The following TSR3 variants were observed in gnomAD, a reference collection of about 807,000 sequenced individuals.
The protein encoded by TSR3 is TSR3 ribosome maturation factor, also known as 18S rRNA aminocarboxypropyltransferase.
Under a neutral mutation model 28.1 loss-of-function variants are expected in TSR3, and 31 were observed. That is an observed-to-expected ratio of 1.10 (90% CI 0.83 to 1.49). The LOEUF (loss-of-function observed/expected upper bound fraction) is 1.49. TSR3 is among the 40% of genes most tolerant of loss of function. The probability of loss-of-function intolerance (pLI) is 0.00; values close to 1 mark genes in which losing one functional copy is unlikely to be tolerated. For synonymous variants in TSR3, 219 were observed against 197.2 expected, an observed-to-expected ratio of 1.11 and a Z score of -0.93; for missense variants, 511 against 444.0, an observed-to-expected ratio of 1.15 and a Z score of -1.36.
rs1214598646 is a variant in TSR3 at position 1,351,617 on chromosome 16, G to A, written c.113-19C>T. The A allele has an allele frequency of 4.2e-5, 62 of 1,461,810 alleles. No individual in the cohort carries two copies. In the East Asian group the frequency reaches 1.5e-3, roughly 36 times the overall value. 90.6% of individuals were successfully genotyped at this position (1,461,810 alleles called of 1,614,324 possible). ...ACGGAAGCTGCACGAGAGAGAGAAG[G>A]GCACTCGGCCTCAGCGTGGGACCCC... On this transcript the variant is annotated intron_variant, in intron 1 of 5. Coordinates refer to ENST00000007390, the MANE Select transcript of TSR3 (RefSeq NM_001001410.3).
intron 2 of TSR3, among the ~76,000 whole-genome samples, 177 bp downstream of exon 2, chr16:1,351,202 A>AC (rs907906271): frequency 2.6e-4 from 40 of 152,162 alleles, no homozygotes; most frequent in Admixed American, 5.9e-4. Flanking sequence ...AACGTTTATT[A>AC]CCCCAAAACC....
Position 1,351,731 on chromosome 16 carries a change from A to G in TSR3, c.74T>C (p.Leu25Pro), listed in dbSNP as rs536513000. The change falls in exon 1 of 6, where the codon CTG (leucine) becomes CCG (proline). Residue 25 changes from leucine to proline, a missense_variant. Coordinates refer to ENST00000007390, the MANE Select transcript of TSR3 (RefSeq NM_001001410.3). ...GCCGACCTCCTCGGCGAAGGCCTCC[A>G]GGGAGCGCGTCGGGAGGTGCCGAGG... is the stretch of plus-strand genomic sequence containing the variant. ...GRPRHLPTRSLEAFAEEVGAA... is the reference protein window; with the variant it reads ...GRPRHLPTRSPEAFAEEVGAA... 6.6e-6 allele frequency: 9 copies of G among 1,371,540 alleles called. No individual in the cohort carries two copies. The highest frequency in any genetic ancestry group is 1.7e-5 in the South Asian group (1 of 60,020). The allele number at this position is 1,371,540 out of a possible 1,614,324, so 85.0% of individuals were successfully genotyped here.
chr16:1,349,539 GGC>G lies in TSR3; in HGVS notation c.835_836del (p.Ala279GlnfsTer6), dbSNP rs780719518. 2.5e-6 allele frequency: 4 copies of G among 1,613,262 alleles called. No homozygotes were observed. The highest frequency in any genetic ancestry group is 3.4e-6 in the Non-Finnish European group (4 of 1,179,996). On this transcript the variant is annotated frameshift_variant, in exon 6 of 6. Transcript: ENST00000007390. LOFTEE classifies it low-confidence loss of function (END_TRUNC). ...GCTCCTCTTCACAGCAGCTGCTGCT[GGC>G]TCCTCCGCGCTCGGCGCCAGGCCCT... ...DPGPGAERGGASSSCCEEEQT... is the reference protein window; with the variant it reads ...DPGPGAERGGXSSSCCEEEQT...
chr16:1,349,745 G>T, intron 5 of TSR3, 137 bp from the exon 6 acceptor site: 1 of 1,367,686 alleles, frequency 7.3e-7, no homozygotes. Flanking sequence ...CCTCTCCAGT[G>T]GGACATGCAC....
intron 3 of TSR3, 127 bp downstream of exon 3, chr16:1,350,680 G>A (rs2034646880): frequency 8.7e-7 from 1 of 1,145,124 alleles, no homozygotes; most frequent in Non-Finnish European, 1.3e-6. Context: ...ACCGTGGTCT[G>A]TCTGAACTGT....
In TSR3 at chr16:1,350,127, C is replaced by G. The variant is rs748555427; in HGVS notation, c.634G>C (p.Glu212Gln). The change falls in exon 4 of 6, where the codon GAG becomes CAG. Residue 212 changes from glutamate (E) to glutamine (Q), a missense_variant. Coordinates refer to ENST00000007390, the MANE Select transcript of TSR3 (RefSeq NM_001001410.3). ...TCCTGCTCCGCCTGCAGCACCTCCT[C>G]CGGGCTGCCGCAGGCCGCGTACTTG... ...LDKYAACGSP[E>Q]EVLQAEQEFL... is the part of the protein sequence containing the mutation. 5.6e-6 allele frequency: 9 copies of G among 1,612,232 alleles called. No individual in the cohort carries two copies. The highest frequency in any genetic ancestry group is 1.1e-5 in the South Asian group (1 of 91,058).
intron 5 of TSR3, 116 bp downstream of exon 5, chr16:1,349,773 G>A: frequency 7.0e-7 from 1 of 1,430,530 alleles, no homozygotes; most frequent in Non-Finnish European, 9.7e-7. Context: ...TTTCTAGTCA[G>A]AAGACCATCG....
rs1295543911 is a variant in TSR3 at position 1,351,834 on chromosome 16, C to T, written c.-30G>A. On this transcript the variant is annotated 5_prime_UTR_variant, in exon 1 of 6. Transcript: ENST00000007390. ...CGGACCTGGGGTGCCGGGGACTCCC[C>T]ACCCCACGGCCGCGCCCCTCGGCCT... 6 of 1,283,886 alleles carry T rather than the reference C, an allele frequency of 4.7e-6. No homozygotes were observed. The highest frequency in any genetic ancestry group is 5.9e-6 in the Non-Finnish European group (6 of 1,020,014). 79.5% of individuals were successfully genotyped at this position (1,283,886 alleles called of 1,614,324 possible).
At chr16:1,349,786 G>GTGTT in intron 5 of TSR3, 103 bp downstream of exon 5, 9 of 1,465,364 alleles carry the variant, frequency 6.1e-6, no homozygotes, top group Non-Finnish European at 8.5e-6. Context: ...GACCATCGGG[G>GTGTT]TGTTGTTTAC....
At chr16:1,350,739 A>C in intron 3 of TSR3, 68 bp downstream of exon 3, 2 of 1,537,652 alleles carry the variant, frequency 1.3e-6, no homozygotes, top group Non-Finnish European at 1.8e-6. Context: ...GGCAGGAAAC[A>C]TGATGCTGGG....
chr16:1,349,269 C>G lies in TSR3; in HGVS notation c.*168G>C. Reference sequence around the variant, plus strand: ...TGGCCTGCAGCTTCATTTGCGAGAGCGCCGAGGCAGGACACAGAGCACAGC... The same window carrying G: ...TGGCCTGCAGCTTCATTTGCGAGAGGGCCGAGGCAGGACACAGAGCACAGC... On this transcript the variant is annotated 3_prime_UTR_variant, in exon 6 of 6. Coordinates refer to ENST00000007390, the MANE Select transcript of TSR3 (RefSeq NM_001001410.3). The G allele has an allele frequency of 1.3e-6, 1 of 754,654 alleles. No individual in the cohort carries two copies. The highest frequency in any genetic ancestry group is 2.3e-5 in the Admixed American group (1 of 43,354). 46.7% of individuals were successfully genotyped at this position (754,654 alleles called of 1,614,324 possible).
chr16:1,351,771 C>T lies in TSR3; in HGVS notation c.34G>A (p.Ala12Thr), dbSNP rs1249576614. Residue 12 changes from alanine (A) to threonine (T), a missense_variant, in exon 1 of 6, where the codon GCG (alanine) becomes ACG (threonine). Coordinates refer to ENST00000007390, the MANE Select transcript of TSR3 (RefSeq NM_001001410.3). ...GRRRAARGPG[A>T]EGGRPRHLPT... ...AGGTGCCGAGGGCGGCCGCCTTCCG[C>T]CCCCGGCCCGCGCGCTGCCCTCCTG... 4 of 1,346,688 alleles carry T rather than the reference C, an allele frequency of 3.0e-6. No homozygotes were observed. The African/African-American group carries it at 4.6e-5, about 16-fold the overall frequency. The allele number at this position is 1,346,688 out of a possible 1,614,324, so 83.4% of individuals were successfully genotyped here.
chr16:1,350,916 C>T lies in TSR3; in HGVS notation c.417G>A (p.Gly139=). The T allele has an allele frequency of 6.2e-7, 1 of 1,612,950 alleles. No homozygotes were observed. The highest frequency in any genetic ancestry group is 8.5e-7 in the Non-Finnish European group (1 of 1,180,004). ...LDETPFGKMR[G]SHLRLLPYLV... ...GGTAGGGCAACAGGCGCAAGTGGCT[C>T]CCTCGCATCTTCCCAAACGGTGTCT... Residue 139 remains glycine (G), a synonymous_variant, in exon 3 of 6, where the codon GGG becomes GGA. Transcript: ENST00000007390.
intron 3 of TSR3, 56 bp downstream of exon 3, chr16:1,350,751 G>C: frequency 6.4e-7 from 1 of 1,558,938 alleles, no homozygotes; most frequent in Non-Finnish European, 8.8e-7. Context: ...GATGCTGGGA[G>C]CATAGCAGGA....
In TSR3 at chr16:1,349,301, G is replaced by A. The variant is rs1490083675; in HGVS notation, c.*136C>T. Reference sequence around the variant, plus strand: ...GCAGGACACAGAGCACAGCTGTGCTGGAAGTGTGGGGAGAACCCGGACAGC... The same window carrying A: ...GCAGGACACAGAGCACAGCTGTGCTAGAAGTGTGGGGAGAACCCGGACAGC... On this transcript the variant is annotated 3_prime_UTR_variant, in exon 6 of 6. Coordinates refer to ENST00000007390, the MANE Select transcript of TSR3 (RefSeq NM_001001410.3). The A allele has an allele frequency of 4.2e-6, 4 of 961,520 alleles. No homozygotes were observed. In the African/African-American group the frequency reaches 4.9e-5, roughly 12 times the overall value. 59.6% of individuals were successfully genotyped at this position (961,520 alleles called of 1,614,324 possible).
rs766962853 is a variant in TSR3 at position 1,349,358 on chromosome 16, G to C, written c.*79C>G. 1.3e-6 allele frequency: 2 copies of C among 1,535,660 alleles called. No individual in the cohort carries two copies. The highest frequency in any genetic ancestry group is 4.5e-5 in the East Asian group (2 of 44,500). On this transcript the variant is annotated 3_prime_UTR_variant, in exon 6 of 6. Transcript: ENST00000007390. ...CTGCCAGCAGCCGCAAAGAGCCGAGGCTGCCAGGCCCATTTATGTCCCTCA... is the reference window on the plus strand; with the variant it reads ...CTGCCAGCAGCCGCAAAGAGCCGAGCCTGCCAGGCCCATTTATGTCCCTCA...
Position 1,351,444 on chromosome 16 carries a change from C to T in TSR3, c.267G>A (p.Leu89=). 6.3e-7 allele frequency: 1 copy of T among 1,594,348 alleles called. No individual in the cohort carries two copies. The highest frequency in any genetic ancestry group is 8.5e-7 in the Non-Finnish European group (1 of 1,178,214). Residue 89 remains leucine, a synonymous_variant, in exon 2 of 6, where the codon CTG becomes CTA. Coordinates refer to ENST00000007390, the MANE Select transcript of TSR3 (RefSeq NM_001001410.3). ...ARLGLVRCLR[L]GHRFGGLVLS... ...GCACCAGACCGCCGAATCTGTGGCC[C>T]AGGCGCAGGCAGCGCACCAGCCCCA...
In TSR3 at chr16:1,349,920, C is replaced by T; in HGVS notation, c.736G>A (p.Gly246Arg). 1 of 1,613,658 alleles carries T rather than the reference C, an allele frequency of 6.2e-7. No individual in the cohort carries two copies. The highest frequency in any genetic ancestry group is 8.5e-7 in the Non-Finnish European group (1 of 1,180,014). ...CTGGCCACAGGCCTGTTGGGGTTTC[C>T]AAACTCTCTCCCTGAATCCACATCG... Reference protein sequence around the residue: ...PFDVDSGREFGNPNRPVASTR... With the variant: ...PFDVDSGREFRNPNRPVASTR... The change falls in exon 5 of 6, where the codon GGA (glycine) becomes AGA (arginine). Residue 246 changes from glycine to arginine, a missense_variant. By Grantham distance (125) the Gly-to-Arg change is moderately radical (BLOSUM62 -2). Coordinates refer to ENST00000007390, the MANE Select transcript of TSR3 (RefSeq NM_001001410.3).
chr16:1,349,769 G>A (rs1371599077), intron 5 of TSR3, 120 bp downstream of exon 5: 1 of 1,405,008 alleles, frequency 7.1e-7, no homozygotes, highest in Non-Finnish European at 9.9e-7. Flanking sequence ...AGGTTTTCTA[G>A]TCAGAAGACC....
Sources: gnomAD v4.1 joint callset for allele counts (sites outside exome capture counted in the v4.1 genomes callset) on GRCh38, gnomAD v4.1.1 for gene constraint, MANE v1.5 for transcripts, NCBI Gene and HGNC (gene_info 2026-07-23, HGNC 2026-07-21) for gene names.